The following GUCY2C variants were observed in gnomAD, a reference collection of about 807,000 sequenced individuals.
The protein encoded by GUCY2C is guanylyl cyclase C.
In GUCY2C, 118 loss-of-function variants were observed where a neutral mutation model predicts 131.1. The ratio of observed to expected loss-of-function variants is 0.90; its 90% CI spans 0.78 to 1.05. The LOEUF (loss-of-function observed/expected upper bound fraction) is 1.05, where lower values mean the gene tolerates loss of function less well. Ranked by LOEUF, GUCY2C falls within the 50% of genes least tolerant of loss-of-function variation. GUCY2C has a pLI of 0.00. For missense variants in GUCY2C, 1,161 were observed against 1,304.4 expected (o/e 0.89, Z 1.69); for synonymous variants, 452 against 457.8 (o/e 0.99, Z 0.16).
chr12:14,675,409 A>T (rs1351517987), intron 7 of GUCY2C, among the ~76,000 whole-genome samples: 2 of 152,074 alleles, frequency 1.3e-5, no homozygotes, highest in African/African-American at 4.8e-5. Context: ...AACATGAAGC[A>T]TTTTCATAAT....
chr12:14,668,802 C>T (rs1948038258), intron 10 of GUCY2C, among the ~76,000 whole-genome samples: 1 of 152,116 alleles, frequency 6.6e-6, no homozygotes, highest in Non-Finnish European at 1.5e-5. Context: ...TCCTGAGTGG[C>T]CCTGCCTGCT....
intron 17 of GUCY2C, among the ~76,000 whole-genome samples, chr12:14,641,603 T>C (rs775205074): frequency 6.6e-6 from 1 of 152,136 alleles, no homozygotes; most frequent in Non-Finnish European, 1.5e-5. Context: ...AGGAATTTAG[T>C]AGTTTATGGG....
At chr12:14,675,223 A>AG (rs1948204987) in intron 7 of GUCY2C, among the ~76,000 whole-genome samples, 2 of 145,002 alleles carry the variant, frequency 1.4e-5, no homozygotes, top group South Asian at 2.2e-4. Flanking sequence ...AAAAAAAAAA[A>AG]AAAAAAGAAA....
chr12:14,680,316 C>T, intron 5 of GUCY2C, among the ~76,000 whole-genome samples: 1 of 152,144 alleles, frequency 6.6e-6, no homozygotes, highest in East Asian at 1.9e-4. Context: ...TGCTAGCTAT[C>T]CTGAATGCAG....
intron 19 of GUCY2C, among the ~76,000 whole-genome samples, chr12:14,632,571 T>G (rs1177856943): frequency 2.0e-5 from 3 of 152,226 alleles, no homozygotes; most frequent in Non-Finnish European, 4.4e-5. Context: ...TTCTCTATTC[T>G]TTTTAGATGT....
intron 21 of GUCY2C, among the ~76,000 whole-genome samples, chr12:14,623,408 G>A (rs546285044): frequency 6.6e-6 from 1 of 152,320 alleles, no homozygotes; most frequent in Admixed American, 6.5e-5. Context: ...TTGGTGCAAT[G>A]ACAAAACTTG....
At chr12:14,626,403 G>A (rs1947019183) in intron 20 of GUCY2C, among the ~76,000 whole-genome samples, 1 of 152,056 alleles carries the variant, frequency 6.6e-6, no homozygotes, top group African/African-American at 2.4e-5. Context: ...TTAAAATGAT[G>A]GTAATCAACG....
chr12:14,687,261 G>C (rs1360109980), intron 2 of GUCY2C, among the ~76,000 whole-genome samples: 2 of 152,138 alleles, frequency 1.3e-5, no homozygotes, highest in Non-Finnish European at 2.9e-5. Context: ...TTTTAAACAT[G>C]ATTTCTCAGG....
chr12:14,612,963 C>G lies in GUCY2C; in HGVS notation c.*154G>C, dbSNP rs1946679233. 1 of 629,766 alleles carries G rather than the reference C, an allele frequency of 1.6e-6. No homozygotes were observed. Among genetic ancestry groups the G allele is most frequent in the South Asian group, 2.0e-5 (1 of 50,498 alleles). 39.0% of individuals were successfully genotyped at this position (629,766 alleles called of 1,614,324 possible). ...ACTGAGAACACACATCTGATTCATG[C>G]AAGAAAGTCCATGTTCCAGACAGGG... is the stretch of plus-strand genomic sequence containing the variant. On this transcript the variant is annotated 3_prime_UTR_variant, in exon 27 of 27. Transcript: ENST00000261170.
chr12:14,670,785 C>G (rs549990099), intron 9 of GUCY2C, among the ~76,000 whole-genome samples: 3 of 151,668 alleles, frequency 2.0e-5, no homozygotes, highest in Non-Finnish European at 4.4e-5. Flanking sequence ...TCCCCAGCCT[C>G]GCTGGGGAGT....
chr12:14,667,994 A>ATTTTC (rs1948015624), intron 10 of GUCY2C, among the ~76,000 whole-genome samples: 1 of 131,376 alleles, frequency 7.6e-6, no homozygotes, highest in Admixed American at 9.0e-5. Context: ...ATATATAATA[A>ATTTTC]TTTTCTTTTT....
rs1032012871 is a variant in GUCY2C, at chr12:14,614,748, C to A, written c.3047+119G>T. ...GTTTCTAAACCTTCTCATGTATAGT[C>A]CCTTACTTCTTATGCAATATATGCC... On this transcript the variant is annotated intron_variant, in intron 26 of 26. Coordinates refer to ENST00000261170, the MANE Select transcript of GUCY2C (RefSeq NM_004963.4). 1.7e-5 allele frequency: 11 copies of A among 642,674 alleles called. No individual in the cohort carries two copies. In the Admixed American group the frequency reaches 3.4e-4, roughly 20 times the overall value. The allele number at this position is 642,674 out of a possible 1,614,324, so 39.8% of individuals were successfully genotyped here. A position where few individuals can be genotyped will look rare whatever the true frequency, so the allele number is the denominator to read the frequency against.
chr12:14,664,204 A>G (rs148214896), intron 10 of GUCY2C, among the ~76,000 whole-genome samples: 1 of 152,322 alleles, frequency 6.6e-6, no homozygotes, highest in Non-Finnish European at 1.5e-5. Context: ...AACTTGCATT[A>G]TGGGCACATT....
rs963465831 is a variant in GUCY2C, at chr12:14,628,717, G to A, written c.2178C>T (p.Asn726=). 3 of 1,588,524 alleles carry A rather than the reference G, an allele frequency of 1.9e-6. No homozygotes were observed. In the Admixed American group the frequency reaches 5.1e-5, roughly 27 times the overall value. ...KELEVYLLVK[N]CWEEDPEKRP... ...TCTTTTCTGGATCTTCCTCCCAACA[G>A]TTTTTTACAAGTAGGTACACCTGGA... is the stretch of plus-strand genomic sequence containing the variant. The change falls in exon 20 of 27, where the codon AAC becomes AAT. Residue 726 remains asparagine, a synonymous_variant. Coordinates refer to ENST00000261170, the MANE Select transcript of GUCY2C (RefSeq NM_004963.4).
chr12:14,669,353 T>G (rs1044770484), intron 10 of GUCY2C, among the ~76,000 whole-genome samples: 1 of 151,836 alleles, frequency 6.6e-6, no homozygotes, highest in Non-Finnish European at 1.5e-5. Flanking sequence ...CACGGCTGTG[T>G]GCCACTATGC....
At chr12:14,649,552 A>G (rs905015363) in intron 15 of GUCY2C, among the ~76,000 whole-genome samples, 1 of 152,204 alleles carries the variant, frequency 6.6e-6, no homozygotes, top group Non-Finnish European at 1.5e-5. Flanking sequence ...AGCCAGTTGT[A>G]TACACAAAAA....
At chr12:14,645,736 A>T (rs1180811856) in intron 15 of GUCY2C, among the ~76,000 whole-genome samples, 1 of 151,876 alleles carries the variant, frequency 6.6e-6, no homozygotes, top group Non-Finnish European at 1.5e-5. Context: ...AAATTAGCTT[A>T]ATTGCTCTTT....
At chr12:14,655,543 C>CA (rs1947747986) in intron 12 of GUCY2C, among the ~76,000 whole-genome samples, 1 of 152,144 alleles carries the variant, frequency 6.6e-6, no homozygotes, top group Non-Finnish European at 1.5e-5. Flanking sequence ...GTTCCAGAGA[C>CA]AAACTTAAGC....
Position 14,656,499 on chromosome 12 carries a change from A to T in GUCY2C, c.1470+13T>A, listed in dbSNP as rs757503561. On this transcript the variant is annotated intron_variant, in intron 12 of 26. Transcript: ENST00000261170. ...AATTGAACCCATTCTTCAACAGGTA[A>T]GGTAGGCTTTACCTTGAGGCTAACA... The T allele has an allele frequency of 1.5e-6, 2 of 1,329,894 alleles. No homozygotes were observed. The highest frequency in any genetic ancestry group is 2.2e-6 in the Non-Finnish European group (2 of 922,916). 82.4% of individuals were successfully genotyped at this position (1,329,894 alleles called of 1,614,324 possible). A position where few individuals can be genotyped will look rare whatever the true frequency, so the allele number is the denominator to read the frequency against.
Sources: gnomAD v4.1 joint callset for allele counts (sites outside exome capture counted in the v4.1 genomes callset) on GRCh38, gnomAD v4.1.1 for gene constraint, MANE v1.5 for transcripts, NCBI Gene and HGNC (gene_info 2026-07-23, HGNC 2026-07-21) for gene names.